SHISA6: variants seen among roughly 807,000 people sequenced by gnomAD.
SHISA6 encodes shisa family member 6.
SHISA6 carries 22 observed loss-of-function variants against 47.9 expected under a neutral mutation model. The ratio of observed to expected loss-of-function variants is 0.46; its 90% CI spans 0.33 to 0.66. SHISA6 has a LOEUF of 0.66. Ranked by LOEUF, SHISA6 falls within the 30% of genes least tolerant of loss-of-function variation. SHISA6 has a pLI of 0.02. For synonymous variants in SHISA6, 388 were observed against 337.8 expected (o/e 1.15, Z -1.63); for missense variants, 680 against 764.6 (o/e 0.89, Z 1.30).
chr17:11,517,580 G>A (rs1240039942), intron 3 of SHISA6, among the ~76,000 whole-genome samples: 1 of 152,108 alleles, frequency 6.6e-6, no homozygotes, highest in Non-Finnish European at 1.5e-5. Context: ...ACAGCTCAGT[G>A]CAGCCTCAAC....
At chr17:11,290,157 G>C (rs535628916) in intron 2 of SHISA6, 1 of 151,880 alleles carries the variant, frequency 6.6e-6, no homozygotes, top group African/African-American at 2.4e-5. Flanking sequence ...TAATTTTATT[G>C]CATTTTAGGT....
At chr17:11,427,650 A>G (rs1416248765) in intron 3 of SHISA6, among the ~76,000 whole-genome samples, 2 of 152,154 alleles carry the variant, frequency 1.3e-5, no homozygotes, top group African/African-American at 4.8e-5. Context: ...CCTCTGCACA[A>G]CTTGCCTCTC....
chr17:11,356,688 G>T (rs917710047), intron 2 of SHISA6, among the ~76,000 whole-genome samples: 3 of 152,134 alleles, frequency 2.0e-5, no homozygotes, highest in African/African-American at 7.2e-5. Context: ...TCATTCAGCT[G>T]TGTGGCACAC....
chr17:11,385,428 T>G (rs1000417674), intron 3 of SHISA6, among the ~76,000 whole-genome samples: 15 of 151,954 alleles, frequency 9.9e-5, no homozygotes, highest in African/African-American at 3.4e-4. Flanking sequence ...TGGCTTCCAC[T>G]CTGGGGAAAT....
Position 11,285,906 on chromosome 17 carries a change from G to A in SHISA6, c.799+22380G>A, listed in dbSNP as rs1015056510. Reference sequence around the variant, plus strand: ...GGCAGGAGTGCAATGGCGCGATCTTGGCTCACTGCAACGTCAGTCTCGTGG... The same window carrying A: ...GGCAGGAGTGCAATGGCGCGATCTTAGCTCACTGCAACGTCAGTCTCGTGG... On this transcript the variant is annotated intron_variant, in intron 2 of 5. Coordinates refer to ENST00000441885, the MANE Select transcript of SHISA6 (RefSeq NM_207386.4). 4.7e-5 allele frequency among the ~76,000 whole-genome samples: 7 copies of A among 150,514 alleles called. No individual in the cohort carries two copies. The East Asian group carries it at 1.4e-3, about 29-fold the overall frequency.
Position 11,553,711 on chromosome 17 carries a change from C to CA in SHISA6, c.952+1767dup, listed in dbSNP as rs542390925. ...TCTGGGCCAAGCACTATGAAGGATT[C>CA]AAAAAAAATTGGAAAGCAAGGCCCT... On this transcript the variant is annotated intron_variant, in intron 4 of 5. Transcript: ENST00000441885. Among the ~76,000 whole-genome samples, 23 of 151,626 alleles carry CA rather than the reference C, an allele frequency of 1.5e-4. 1 individual carries two copies. The East Asian group carries it at 3.9e-3, about 26-fold the overall frequency.
At chr17:11,468,014 A>G (rs959618680) in intron 3 of SHISA6, among the ~76,000 whole-genome samples, 2 of 152,182 alleles carry the variant, frequency 1.3e-5, no homozygotes, top group African/African-American at 4.8e-5. Flanking sequence ...CAAAGCTGGA[A>G]GGGACCTCAG....
At chr17:11,471,713 T>C (rs1915939230) in intron 3 of SHISA6, among the ~76,000 whole-genome samples, 1 of 152,208 alleles carries the variant, frequency 6.6e-6, no homozygotes. Context: ...CCGTGGAGTC[T>C]ACTTGAACCA....
chr17:11,486,592 C>T (rs138332257), intron 3 of SHISA6, among the ~76,000 whole-genome samples: 1 of 152,312 alleles, frequency 6.6e-6, no homozygotes, highest in Non-Finnish European at 1.5e-5. Context: ...TTCAGCCCTG[C>T]GTTGGGCTGT....
chr17:11,439,983 C>T (rs2142296407), intron 3 of SHISA6, among the ~76,000 whole-genome samples: 1 of 152,290 alleles, frequency 6.6e-6, no homozygotes, highest in Admixed American at 6.5e-5. Flanking sequence ...GGAAAGACAA[C>T]CCAGGTGGGG....
At chr17:11,549,367 C>T (rs1378176299) in intron 3 of SHISA6, among the ~76,000 whole-genome samples, 1 of 152,100 alleles carries the variant, frequency 6.6e-6, no homozygotes, top group Non-Finnish European at 1.5e-5. Flanking sequence ...GAGATTCAAA[C>T]AAAAGGAAAA....
chr17:11,260,949 A>G (rs557762167), intron 1 of SHISA6, among the ~76,000 whole-genome samples: 2 of 152,064 alleles, frequency 1.3e-5, no homozygotes, highest in African/African-American at 4.8e-5. Context: ...TCAGTGACCA[A>G]TTTTCTTTCC....
intron 2 of SHISA6, among the ~76,000 whole-genome samples, chr17:11,307,939 A>G (rs1474227427): frequency 1.3e-5 from 2 of 152,174 alleles, no homozygotes; most frequent in South Asian, 2.1e-4. Context: ...TTTAGTATCA[A>G]CAAGCAAATG....
chr17:11,312,544 C>T (rs1443504283), intron 2 of SHISA6, among the ~76,000 whole-genome samples: 1 of 152,256 alleles, frequency 6.6e-6, no homozygotes, highest in East Asian at 1.9e-4. Flanking sequence ...CTTTTTTACT[C>T]CTAGATCAAT....
intron 1 of SHISA6, among the ~76,000 whole-genome samples, chr17:11,245,364 C>T (rs754029771): frequency 2.0e-5 from 3 of 152,228 alleles, no homozygotes; most frequent in Non-Finnish European, 4.4e-5. Flanking sequence ...AAGGCTCAAG[C>T]TGCAGCCATC....
At chr17:11,497,435 C>T (rs1333522727) in intron 3 of SHISA6, among the ~76,000 whole-genome samples, 1 of 152,100 alleles carries the variant, frequency 6.6e-6, no homozygotes, top group African/African-American at 2.4e-5. Context: ...TAGACTACTA[C>T]AACCATCCAA....
rs1907365696 is a variant in SHISA6, at chr17:11,241,893, G to A, written c.471G>A (p.Lys157=). ...SPVWVQTPST[K]VVSPGPENKY... is the part of the protein sequence containing the mutation. ...TGTGGGTACAGACGCCCAGCACCAA[G>A]GTGGTGTCGCCGGGGCCCGAGAACA... The change falls in exon 1 of 6, where the codon AAG becomes AAA. Residue 157 remains lysine, a synonymous_variant. Coordinates refer to ENST00000441885, the MANE Select transcript of SHISA6 (RefSeq NM_207386.4). The surrounding 1 kb of genome is among the most constrained non-coding windows in gnomAD (Gnocchi z 5.5). 2.6e-6 allele frequency: 4 copies of A among 1,551,216 alleles called. No individual in the cohort carries two copies. The East Asian group carries it at 9.8e-5, about 38-fold the overall frequency.
intron 3 of SHISA6, among the ~76,000 whole-genome samples, chr17:11,388,222 T>C (rs1022465536): frequency 6.6e-6 from 1 of 152,130 alleles, no homozygotes; most frequent in South Asian, 2.1e-4. Flanking sequence ...GGACTCTAGA[T>C]AAAGCGCAGC....
At chr17:11,340,847 C>T (rs1481470381) in intron 2 of SHISA6, among the ~76,000 whole-genome samples, 1 of 152,128 alleles carries the variant, frequency 6.6e-6, no homozygotes, top group African/African-American at 2.4e-5. Flanking sequence ...ACCTAGTGAC[C>T]GTATGTTCCA....
Sources: allele counts gnomAD v4.1 joint callset (sites outside exome capture counted in the v4.1 genomes callset), GRCh38; gene constraint gnomAD v4.1.1; non-coding constraint Gnocchi (gnomAD v3.1); transcripts MANE v1.5; gene names NCBI Gene and HGNC (gene_info 2026-07-23, HGNC 2026-07-21).